ANK1: variants seen among roughly 807,000 people sequenced by gnomAD.
ANK1 encodes ankyrin 1.
Under a neutral mutation model 210.4 loss-of-function variants are expected in ANK1, and 51 were observed. That is an observed-to-expected ratio of 0.24 (90% CI 0.19 to 0.31). The LOEUF (loss-of-function observed/expected upper bound fraction) is 0.31, where lower values mean the gene tolerates loss of function less well. Ranked by LOEUF, ANK1 falls within the 10% of genes least tolerant of loss-of-function variation. The pLI is 1.00. For missense variants in ANK1, 2,051 were observed against 2,504.4 expected (o/e 0.82, Z 3.86); for synonymous variants, 967 against 1,025.9 (o/e 0.94, Z 1.10).
At chr8:41,714,788 G>A (rs138879836) in intron 15 of ANK1, among the ~76,000 whole-genome samples, 188 bp downstream of exon 15, 6 of 152,168 alleles carry the variant, frequency 3.9e-5, no homozygotes, top group South Asian at 4.2e-4. Flanking sequence ...TTGAGCCCAG[G>A]AGTCAAAATT....
At chr8:41,804,841 C>T (rs1242913902) in intron 1 of ANK1, among the ~76,000 whole-genome samples, 1 of 152,092 alleles carries the variant, frequency 6.6e-6, no homozygotes, top group South Asian at 2.1e-4. Flanking sequence ...GAGAAGTGAC[C>T]TCAGTCATTT....
chr8:41,895,020 A>G, intron 1 of ANK1, among the ~76,000 whole-genome samples: 1 of 152,170 alleles, frequency 6.6e-6, no homozygotes, highest in Non-Finnish European at 1.5e-5. Context: ...AGGAAAGCCT[A>G]GAGAGTGTTG....
At position 41,684,588 on chromosome 8, in the gene ANK1, C is replaced by T. The variant is rs563374940; in HGVS notation, c.4493G>A (p.Arg1498Gln). 11 of 1,613,798 alleles carry T rather than the reference C, an allele frequency of 6.8e-6. No individual in the cohort carries two copies. In the African/African-American group the frequency reaches 8.0e-5, roughly 12 times the overall value. The part of the protein sequence containing the change: ...RQSRNLKPDR[R>Q]HTDRDYSLSP... Reference sequence around the variant, plus strand: ...CAGCGAGTAGTCGCGGTCGGTGTGCCGCCTGTCTGGCTTCAAGTTGCGGCT... The same window carrying T: ...CAGCGAGTAGTCGCGGTCGGTGTGCTGCCTGTCTGGCTTCAAGTTGCGGCT... The change falls in exon 37 of 43, where the codon CGG becomes CAG. Residue 1498 changes from arginine to glutamine, a missense_variant. This residue lies in a region of ANK1 where 496 missense variants were observed against 533.4 expected (regional missense o/e 0.93). Transcript: ENST00000289734.
At chr8:41,662,441 G>C (rs1808722692) in intron 40 of ANK1, among the ~76,000 whole-genome samples, 1 of 152,190 alleles carries the variant, frequency 6.6e-6, no homozygotes, top group Non-Finnish European at 1.5e-5. Context: ...AGCCCTGAAG[G>C]GGCCTTGGCA....
At chr8:41,862,724 T>G (rs1813531572) in intron 1 of ANK1, among the ~76,000 whole-genome samples, 1 of 149,784 alleles carries the variant, frequency 6.7e-6, no homozygotes. Context: ...GAAAAACCAC[T>G]GCAGGCCAGG....
At chr8:41,869,009 G>A (rs57122561) in intron 1 of ANK1, among the ~76,000 whole-genome samples, 6,886 of 152,204 alleles carry the variant, frequency 0.045, 360 homozygotes, top group East Asian at 0.23. Flanking sequence ...TTTCCTATTC[G>A]TTGGCAAGAT....
At chr8:41,672,121 CG>C (rs1193910487) in intron 38 of ANK1, among the ~76,000 whole-genome samples, 12 of 152,220 alleles carry the variant, frequency 7.9e-5, no homozygotes, top group Admixed American at 6.5e-5. Context: ...CAGTGCTCCT[CG>C]GGGTCTCTCC....
intron 1 of ANK1, among the ~76,000 whole-genome samples, chr8:41,862,522 A>G (rs1813469283): frequency 6.6e-6 from 1 of 152,152 alleles, no homozygotes; most frequent in African/African-American, 2.4e-5. Context: ...CACACTCAAC[A>G]TTTTTAAAAG....
chr8:41,756,552 C>A (rs1333946722), intron 2 of ANK1, among the ~76,000 whole-genome samples: 2 of 150,132 alleles, frequency 1.3e-5, no homozygotes, highest in African/African-American at 4.9e-5. Flanking sequence ...AAGCAATTCT[C>A]CTGTCTCAGC....
chr8:41,771,744 T>C (rs558809336), intron 1 of ANK1, among the ~76,000 whole-genome samples: 9 of 152,274 alleles, frequency 5.9e-5, no homozygotes, highest in Admixed American at 5.9e-4. Context: ...CATGCAGCTA[T>C]GCCAAGCAGG....
At chr8:41,789,297 C>A (rs1238907100) in intron 1 of ANK1, 2 of 152,226 alleles carry the variant, frequency 1.3e-5, no homozygotes, top group Non-Finnish European at 2.9e-5. Flanking sequence ...CAGAGAAGAA[C>A]CTGTGATTTC....
At chr8:41,741,807 C>A (rs1834866526) in intron 2 of ANK1, among the ~76,000 whole-genome samples, 1 of 152,186 alleles carries the variant, frequency 6.6e-6, no homozygotes, top group Non-Finnish European at 1.5e-5. Context: ...AGGAGCCATG[C>A]TCTCTGCAGC....
intron 37 of ANK1, among the ~76,000 whole-genome samples, chr8:41,683,316 G>A (rs376594491): frequency 1.3e-5 from 2 of 152,242 alleles, no homozygotes; most frequent in East Asian, 2.0e-4. Context: ...GCAATGGGAC[G>A]TGATCAGCAG....
intron 1 of ANK1, among the ~76,000 whole-genome samples, chr8:41,825,344 T>C (rs1413992578): frequency 2.0e-5 from 3 of 152,250 alleles, no homozygotes; most frequent in Non-Finnish European, 4.4e-5. Context: ...TATTAATCTT[T>C]CATCACAATT....
chr8:41,821,554 G>A (rs997747849), intron 1 of ANK1, among the ~76,000 whole-genome samples: 1 of 152,164 alleles, frequency 6.6e-6, no homozygotes, highest in African/African-American at 2.4e-5. Context: ...AAGGCCATAC[G>A]AATGAATGAC....
At chr8:41,850,220 T>C (rs1810977552) in intron 1 of ANK1, among the ~76,000 whole-genome samples, 1 of 152,182 alleles carries the variant, frequency 6.6e-6, no homozygotes, top group Non-Finnish European at 1.5e-5. Flanking sequence ...AGTGCAGCCG[T>C]CGTTTAGCCC....
Position 41,716,983 on chromosome 8 carries a change from C to T in ANK1, c.1374G>A (p.Gln458=). The T allele has an allele frequency of 4.3e-6, 7 of 1,614,222 alleles. No homozygotes were observed. Among genetic ancestry groups the T allele is most frequent in the Non-Finnish European group, 5.9e-6 (7 of 1,180,040 alleles). Reference sequence around the variant, plus strand: ...CCTTGGCATTGACTTTGGCTTTGTTCTGGAGTAAATATTTGGCCACTTCCG... The same window carrying T: ...CCTTGGCATTGACTTTGGCTTTGTTTTGGAGTAAATATTTGGCCACTTCCG... ...GHTEVAKYLL[Q]NKAKVNAKAK... The change falls in exon 13 of 43, where the codon CAG becomes CAA. Residue 458 remains glutamine, a synonymous_variant. Transcript: ENST00000289734.
At chr8:41,667,969 C>A (rs1811083391) in intron 39 of ANK1, among the ~76,000 whole-genome samples, 1 of 152,206 alleles carries the variant, frequency 6.6e-6, no homozygotes, top group Admixed American at 6.5e-5. Context: ...AAAGCCACAA[C>A]TTTGGAGTCA....
intron 1 of ANK1, among the ~76,000 whole-genome samples, chr8:41,823,794 A>G (rs938522165): frequency 2.6e-5 from 4 of 152,112 alleles, no homozygotes; most frequent in African/African-American, 9.7e-5. Flanking sequence ...TAAAAATAAA[A>G]CACTGCCCAC....
Sources: allele counts gnomAD v4.1 joint callset (sites outside exome capture counted in the v4.1 genomes callset), GRCh38; gene constraint gnomAD v4.1.1; regional missense constraint gnomAD v4.1.1; transcripts MANE v1.5; gene names NCBI Gene and HGNC (gene_info 2026-07-23, HGNC 2026-07-21).